Variants in GPC5 observed in about 807,000 individuals in gnomAD.
GPC5 encodes glypican 5.
GPC5 carries 47 observed loss-of-function variants against 53.9 expected under a neutral mutation model. The ratio of observed to expected loss-of-function variants is 0.87; its 90% CI spans 0.69 to 1.11. The LOEUF is 1.11. GPC5 is among the 50% of genes most tolerant of loss of function. The probability of loss-of-function intolerance (pLI) is 0.00; values close to 1 mark genes in which losing one functional copy is unlikely to be tolerated. For synonymous variants in GPC5, 286 were observed against 263.3 expected (o/e 1.09, Z -0.84); for missense variants, 748 against 713.1 (o/e 1.05, Z -0.56).
chr13:92,680,751 T>C (rs1887087582), intron 7 of GPC5, among the ~76,000 whole-genome samples: 1 of 152,152 alleles, frequency 6.6e-6, no homozygotes, highest in Non-Finnish European at 1.5e-5. Flanking sequence ...ATTAGATAGG[T>C]ATTGTACATT....
intron 7 of GPC5, among the ~76,000 whole-genome samples, chr13:92,229,903 T>C (rs1470534440): frequency 1.3e-5 from 2 of 152,114 alleles, no homozygotes; most frequent in African/African-American, 4.8e-5. Flanking sequence ...TCTTACTCTT[T>C]TTCCCCTAAA....
chr13:92,410,865 A>G (rs944801620), intron 7 of GPC5, among the ~76,000 whole-genome samples: 1 of 152,222 alleles, frequency 6.6e-6, no homozygotes, highest in African/African-American at 2.4e-5. Flanking sequence ...AGAACTACTT[A>G]TTTTTTCTAG....
intron 5 of GPC5, among the ~76,000 whole-genome samples, chr13:91,816,650 G>A (rs2038404623): frequency 6.6e-6 from 1 of 152,170 alleles, no homozygotes; most frequent in African/African-American, 2.4e-5. Context: ...GCAGAGCTTA[G>A]TAGTTAGTAT....
rs56957789 is a variant in GPC5, at chr13:91,628,480, A to ATCTGTCTGTCTGTCTG, written c.326-64699_326-64684dup. 7.2e-3 allele frequency among the ~76,000 whole-genome samples: 1,075 copies of ATCTGTCTGTCTGTCTG among 149,160 alleles called. 14 individuals carry two copies. The highest frequency in any genetic ancestry group is 0.024 in the African/African-American group (971 of 40,874). On this transcript the variant is annotated intron_variant, in intron 2 of 7. Transcript: ENST00000377067. ...CCGTAGCTACCTATCATTTGTATCT[A>ATCTGTCTGTCTGTCTG]TCTGTCTGTCTGTCTGTCTGTCTAT...
chr13:92,008,680 TTG>T (rs1594721072), intron 6 of GPC5, among the ~76,000 whole-genome samples: 1 of 152,194 alleles, frequency 6.6e-6, no homozygotes, highest in Non-Finnish European at 1.5e-5. Flanking sequence ...TGTCTCCGTG[TTG>T]TGTTTGCTAA....
At chr13:92,293,199 G>A (rs1021635560) in intron 7 of GPC5, among the ~76,000 whole-genome samples, 4 of 151,826 alleles carry the variant, frequency 2.6e-5, no homozygotes, top group Admixed American at 1.3e-4. Context: ...TCTAATTCTT[G>A]AAGAATGTTG....
intron 7 of GPC5, among the ~76,000 whole-genome samples, chr13:92,152,758 T>C (rs1043764739): frequency 2.1e-5 from 3 of 142,776 alleles, no homozygotes; most frequent in Non-Finnish European, 3.1e-5. Context: ...AAAAAAAAAA[T>C]TGGGCAAAGT....
chr13:92,827,083 T>C (rs928496971), intron 7 of GPC5, among the ~76,000 whole-genome samples: 1 of 152,110 alleles, frequency 6.6e-6, no homozygotes, highest in African/African-American at 2.4e-5. Flanking sequence ...GAGGTTATCA[T>C]TTGAGTAAAA....
At position 92,576,069 on chromosome 13, in the gene GPC5, C is replaced by A. The variant is rs139049921; in HGVS notation, c.1562-290213C>A. Among the ~76,000 whole-genome samples, 360 of 152,274 alleles carry A rather than the reference C, an allele frequency of 2.4e-3. 2 individuals are homozygous for A. The highest frequency in any genetic ancestry group is 8.1e-3 in the African/African-American group (335 of 41,560). ...GTATGTGTATGTATATATTCAGTTT[C>A]TAATTCTTCCACTGGCATTGTTTCA... On this transcript the variant is annotated intron_variant, in intron 7 of 7. Transcript: ENST00000377067.
chr13:92,222,581 C>G (rs1423639805), intron 7 of GPC5, among the ~76,000 whole-genome samples: 1 of 152,120 alleles, frequency 6.6e-6, no homozygotes, highest in Admixed American at 6.6e-5. Context: ...TGTATTTTTT[C>G]TTGCCATCCT....
intron 6 of GPC5, among the ~76,000 whole-genome samples, chr13:92,010,474 A>G (rs575909273): frequency 1.3e-5 from 2 of 152,218 alleles, no homozygotes; most frequent in Non-Finnish European, 2.9e-5. Context: ...GGATTTTGCA[A>G]CTGCACACAT....
At chr13:92,030,545 G>C (rs576893225) in intron 6 of GPC5, among the ~76,000 whole-genome samples, 10 of 151,946 alleles carry the variant, frequency 6.6e-5, no homozygotes, top group African/African-American at 2.4e-4. Flanking sequence ...TATAAGCACT[G>C]CCTCCATTTT....
chr13:92,852,358 G>A (rs528837657), intron 7 of GPC5, among the ~76,000 whole-genome samples: 1 of 152,248 alleles, frequency 6.6e-6, no homozygotes, highest in East Asian at 1.9e-4. Flanking sequence ...ACCAAAAGGG[G>A]AGAAGCGGTT....
At chr13:92,166,299 T>A (rs2139013359) in intron 7 of GPC5, among the ~76,000 whole-genome samples, 1 of 152,286 alleles carries the variant, frequency 6.6e-6, no homozygotes, top group Admixed American at 6.5e-5. Flanking sequence ...TAACAAGACC[T>A]CTAATTGCAG....
chr13:92,678,346 A>G (rs1887012802), intron 7 of GPC5, among the ~76,000 whole-genome samples: 3 of 152,300 alleles, frequency 2.0e-5, no homozygotes, highest in Non-Finnish European at 2.9e-5. Context: ...AAACTATTAT[A>G]AAACAGAGAA....
intron 7 of GPC5, among the ~76,000 whole-genome samples, chr13:92,476,487 G>A (rs1472913942): frequency 2.0e-5 from 3 of 151,732 alleles, no homozygotes; most frequent in Non-Finnish European, 2.9e-5. Flanking sequence ...TCAGTGTGGC[G>A]ATTCCTCAGT....
At chr13:92,696,116 G>A (rs987947896) in intron 7 of GPC5, among the ~76,000 whole-genome samples, 8 of 152,090 alleles carry the variant, frequency 5.3e-5, no homozygotes, top group African/African-American at 1.7e-4. Flanking sequence ...ATTTGGGTTG[G>A]TTCCAAGTCT....
intron 7 of GPC5, among the ~76,000 whole-genome samples, chr13:92,751,491 T>G (rs1889397417): frequency 6.6e-6 from 1 of 150,598 alleles, no homozygotes; most frequent in Admixed American, 6.6e-5. Context: ...GATGAATGAG[T>G]TCATTAGCAG....
Position 91,774,912 on chromosome 13 carries a change from C to T in GPC5, c.1280+18492C>T, listed in dbSNP as rs148962294. Among the ~76,000 whole-genome samples the T allele has an allele frequency of 5.3e-5, 8 of 152,292 alleles. No individual in the cohort carries two copies. The East Asian group carries it at 1.5e-3, about 29-fold the overall frequency. On this transcript the variant is annotated intron_variant, in intron 5 of 7. Transcript: ENST00000377067. ...TCCTCTTTACTGAGAGCACTACCCC[C>T]AATAAATCTCTTGACCAAGCATCTA...
Sources: allele counts gnomAD v4.1 joint callset (sites outside exome capture counted in the v4.1 genomes callset), GRCh38; gene constraint gnomAD v4.1.1; transcripts MANE v1.5; gene names NCBI Gene and HGNC (gene_info 2026-07-23, HGNC 2026-07-21).